Variants in NIPA1 observed in about 807,000 individuals in gnomAD.
NIPA1 encodes the protein magnesium transporter NIPA1.
Under a neutral mutation model 23.9 loss-of-function variants are expected in NIPA1, and 13 were observed. That is an observed-to-expected ratio of 0.54 (90% CI 0.35 to 0.87). NIPA1 has a LOEUF of 0.87. Ranked by LOEUF, NIPA1 falls within the 40% of genes least tolerant of loss-of-function variation. NIPA1 has a pLI of 0.01. For missense variants in NIPA1, 362 were observed against 429.7 expected (o/e 0.84, Z 1.39); for synonymous variants, 234 against 202.9 (o/e 1.15, Z -1.30).
At chr15:22,791,202 C>T (rs759039208) in intron 1 of NIPA1, among the ~76,000 whole-genome samples, 3 of 152,082 alleles carry the variant, frequency 2.0e-5, no homozygotes, top group Non-Finnish European at 2.9e-5. Context: ...TCAAGTTGCC[C>T]GCTTGGCCCT....
chr15:22,810,661 G>T lies in NIPA1; in HGVS notation c.179-88G>T. ...CATTCTTTTCAATTTTAGTTTTCAT[G>T]TCAAAAGTTTCTCGCTTGTAAACCT... On this transcript the variant is annotated intron_variant, in intron 1 of 4. Coordinates refer to ENST00000337435, the MANE Select transcript of NIPA1 (RefSeq NM_144599.5). The T allele has an allele frequency of 1.9e-5, 15 of 806,368 alleles. No individual in the cohort carries two copies. In the South Asian group the frequency reaches 2.0e-4, roughly 11 times the overall value. 50.0% of individuals were successfully genotyped at this position (806,368 alleles called of 1,614,324 possible).
At chr15:22,791,755 C>T (rs11635492) in intron 1 of NIPA1, among the ~76,000 whole-genome samples, 38,261 of 151,976 alleles carry the variant, frequency 0.25, 6,115 homozygotes, top group Non-Finnish European at 0.36. Context: ...TGTGAGCCAC[C>T]GCACCTGGCC....
intron 1 of NIPA1, among the ~76,000 whole-genome samples, chr15:22,804,057 A>G (rs1490224839): frequency 1.3e-5 from 2 of 149,868 alleles, no homozygotes; most frequent in Non-Finnish European, 3.0e-5. Context: ...GCTCACTGCA[A>G]CCTCTGCCTC....
chr15:22,824,315 A>C lies in NIPA1; in HGVS notation c.*76A>C. 1 of 1,226,016 alleles carries C rather than the reference A, an allele frequency of 8.2e-7. No homozygotes were observed. Among genetic ancestry groups the C allele is most frequent in the Non-Finnish European group, 1.2e-6 (1 of 828,172 alleles). The allele number at this position is 1,226,016 out of a possible 1,614,324, so 75.9% of individuals were successfully genotyped here. A position where few individuals can be genotyped will look rare whatever the true frequency, so the allele number is the denominator to read the frequency against. On this transcript the variant is annotated 3_prime_UTR_variant, in exon 5 of 5. Transcript: ENST00000337435. The surrounding 1 kb of genome is among the most constrained non-coding windows in gnomAD (Gnocchi z 4.1). Reference sequence around the variant, plus strand: ...CTGGCCGTGATTGGATGTGAAGTAGAAGAGGTCCTCGATCATGGTGTTAGA... The same window carrying C: ...CTGGCCGTGATTGGATGTGAAGTAGCAGAGGTCCTCGATCATGGTGTTAGA...
At chr15:22,786,906 G>A in intron 1 of NIPA1, 72 bp downstream of exon 1, 1 of 789,770 alleles carries the variant, frequency 1.3e-6, no homozygotes, top group Non-Finnish European at 1.6e-6. Flanking sequence ...GGTCGCAGGT[G>A]GGGGCGCCCG....
At chr15:22,823,582 C>T (rs1187921371) in intron 4 of NIPA1, 146 bp from the exon 5 acceptor site, 2 of 745,272 alleles carry the variant, frequency 2.7e-6, no homozygotes, top group Admixed American at 2.2e-5. Flanking sequence ...AAATTCAAGC[C>T]AGAGCCCACA....
At chr15:22,795,780 G>C (rs979832726) in intron 1 of NIPA1, among the ~76,000 whole-genome samples, 1 of 152,154 alleles carries the variant, frequency 6.6e-6, no homozygotes, top group African/African-American at 2.4e-5. Flanking sequence ...ATACAGAAGA[G>C]GAGGTTCAGA....
intron 4 of NIPA1, among the ~76,000 whole-genome samples, chr15:22,822,575 T>C (rs1400663514): frequency 6.6e-6 from 1 of 152,164 alleles, no homozygotes; most frequent in African/African-American, 2.4e-5. Context: ...ACGCCTGTAA[T>C]CCCAACACTT....
chr15:22,792,149 G>C (rs1894842198), intron 1 of NIPA1, among the ~76,000 whole-genome samples: 1 of 152,186 alleles, frequency 6.6e-6, no homozygotes. Context: ...CACAGGATGT[G>C]AATGTTTGTG....
At chr15:22,800,549 T>C (rs2140856666) in intron 1 of NIPA1, among the ~76,000 whole-genome samples, 1 of 152,078 alleles carries the variant, frequency 6.6e-6, no homozygotes, top group South Asian at 2.1e-4. Context: ...CCCAACACTT[T>C]TGGGAGGCTG....
In NIPA1 at chr15:22,813,104, G is replaced by A. The variant is rs532964328; in HGVS notation, c.317+851G>A. Among the ~76,000 whole-genome samples the A allele has an allele frequency of 2.4e-4, 36 of 152,050 alleles. 1 individual carries two copies. In the South Asian group the frequency reaches 5.2e-3, roughly 22 times the overall value. ...TCCCGGGTTTGGTTCTGAGTGAGAC[G>A]AGTGAGGGGGACCTTTGGATTTTTA... On this transcript the variant is annotated intron_variant, in intron 3 of 4. Transcript: ENST00000337435.
At chr15:22,812,116 A>C in intron 2 of NIPA1, 47 bp from the exon 3 acceptor site, 20 of 1,317,884 alleles carry the variant, frequency 1.5e-5, no homozygotes, top group Non-Finnish European at 1.9e-5. Context: ...CAGTGCTGGA[A>C]GAGAGCTCTG....
At chr15:22,800,983 G>C (rs1280733588) in intron 1 of NIPA1, among the ~76,000 whole-genome samples, 2 of 150,472 alleles carry the variant, frequency 1.3e-5, no homozygotes, top group South Asian at 2.1e-4. Context: ...TCGCATGCCT[G>C]TAGTCCCAGC....
intron 3 of NIPA1, among the ~76,000 whole-genome samples, chr15:22,817,930 G>C (rs1276287174): frequency 6.6e-6 from 1 of 152,168 alleles, no homozygotes; most frequent in Non-Finnish European, 1.5e-5. Context: ...AATTTAACTG[G>C]CCAGGCACAG....
chr15:22,801,665 C>T (rs1434097834), intron 1 of NIPA1, among the ~76,000 whole-genome samples: 2 of 151,820 alleles, frequency 1.3e-5, no homozygotes, highest in Non-Finnish European at 2.9e-5. Context: ...TACAGGCACC[C>T]GCCACCGCGC....
intron 1 of NIPA1, among the ~76,000 whole-genome samples, chr15:22,792,219 G>C (rs1473791358): frequency 6.6e-6 from 1 of 152,234 alleles, no homozygotes; most frequent in Non-Finnish European, 1.5e-5. Flanking sequence ...AGCAGAGGCT[G>C]AGTGTGCCTG....
At chr15:22,803,981 GT>G (rs1353711936) in intron 1 of NIPA1, among the ~76,000 whole-genome samples, 1 of 138,628 alleles carries the variant, frequency 7.2e-6, no homozygotes, top group Non-Finnish European at 1.6e-5. Flanking sequence ...GCCCGGCCTT[GT>G]TTTTGTTTTT....
intron 1 of NIPA1, among the ~76,000 whole-genome samples, chr15:22,792,844 C>G (rs1894861415): frequency 6.6e-6 from 1 of 151,980 alleles, no homozygotes; most frequent in Admixed American, 6.5e-5. Flanking sequence ...ATCCAAGCTA[C>G]TTGGGAGGCT....
intron 1 of NIPA1, among the ~76,000 whole-genome samples, chr15:22,794,165 G>C (rs1314759027): frequency 1.3e-5 from 2 of 151,908 alleles, no homozygotes; most frequent in African/African-American, 4.8e-5. Flanking sequence ...CTAGCAACCA[G>C]GTGTCATCAA....
Sources: allele counts gnomAD v4.1 joint callset (sites outside exome capture counted in the v4.1 genomes callset), GRCh38; gene constraint gnomAD v4.1.1; non-coding constraint Gnocchi (gnomAD v3.1); transcripts MANE v1.5; gene names NCBI Gene and HGNC (gene_info 2026-07-23, HGNC 2026-07-21).